Variants in TOM1 observed in about 807,000 individuals in gnomAD.
TOM1 encodes the protein target of Myb protein 1.
Under a neutral mutation model 61.3 loss-of-function variants are expected in TOM1, and 38 were observed. The ratio of observed to expected loss-of-function variants is 0.62; its 90% CI spans 0.48 to 0.81. The LOEUF (loss-of-function observed/expected upper bound fraction) is 0.81. Ranked by LOEUF, TOM1 falls within the 40% of genes least tolerant of loss-of-function variation. The probability of loss-of-function intolerance (pLI) is 0.00; values close to 1 mark genes in which losing one functional copy is unlikely to be tolerated. For synonymous variants in TOM1, 270 were observed against 268.8 expected, an observed-to-expected ratio of 1.00 and a Z score of -0.04; for missense variants, 591 against 659.6, an observed-to-expected ratio of 0.90 and a Z score of 1.14.
chr22:35,306,445 G>A (rs896299016), intron 1 of TOM1, among the ~76,000 whole-genome samples: 8 of 152,154 alleles, frequency 5.3e-5, no homozygotes, highest in African/African-American at 1.9e-4. Context: ...TCTGTCTTGA[G>A]GATGACAGAG....
intron 12 of TOM1, among the ~76,000 whole-genome samples, chr22:35,342,876 C>A (rs1929999794): frequency 2.1e-5 from 3 of 143,800 alleles, no homozygotes; most frequent in Non-Finnish European, 4.6e-5. Flanking sequence ...ACACACACCC[C>A]TACACACACC....
chr22:35,339,938 G>A (rs1043468666), intron 12 of TOM1, among the ~76,000 whole-genome samples: 1 of 151,932 alleles, frequency 6.6e-6, no homozygotes, highest in African/African-American at 2.4e-5. Context: ...TAAAGCAGCG[G>A]GGAGAAATGC....
Position 35,327,346 on chromosome 22 carries a change from G to C in TOM1, c.724G>C (p.Val242Leu). 1 of 1,613,942 alleles carries C rather than the reference G, an allele frequency of 6.2e-7. No individual in the cohort carries two copies. Among genetic ancestry groups the C allele is most frequent in the Non-Finnish European group, 8.5e-7 (1 of 1,180,012 alleles). Residue 242 changes from valine to leucine, a missense_variant, in exon 7 of 15, where the codon GTG becomes CTG. Transcript: ENST00000449058. ...GATGTCGGAGATGCTGACGGAGCTG[G>C]TGCCCACCCAGGCCGAGCCCGCAGA... ...RVMSEMLTEL[V>L]PTQAEPADLE...
chr22:35,300,059 C>T (rs1266954861), intron 1 of TOM1, 79 bp downstream of exon 1: 2 of 1,501,040 alleles, frequency 1.3e-6, no homozygotes, highest in African/African-American at 2.8e-5. Context: ...CTCCGGGTGC[C>T]TAGTCACGGA....
At position 35,323,959 on chromosome 22, in the gene TOM1, CCA is replaced by C. The variant is rs775043446; in HGVS notation, c.648+51_648+52del. 1.4e-5 allele frequency: 21 copies of C among 1,512,420 alleles called. No individual in the cohort carries two copies. Among genetic ancestry groups the C allele is most frequent in the Non-Finnish European group, 1.9e-5 (21 of 1,129,480 alleles). 93.7% of individuals were successfully genotyped at this position (1,512,420 alleles called of 1,614,324 possible). ...GAACCGTCAGGTCCAGGCAGGTGGG[CCA>C]CACACGTCAGGGAGGGCCCCCTGTC... On this transcript the variant is annotated intron_variant, in intron 6 of 14. Coordinates refer to ENST00000449058, the MANE Select transcript of TOM1 (RefSeq NM_005488.3). The surrounding 1 kb of genome is among the most constrained non-coding windows in gnomAD (Gnocchi z 4.2).
intron 1 of TOM1, among the ~76,000 whole-genome samples, chr22:35,316,451 T>C (rs1927284935): frequency 6.6e-6 from 1 of 152,240 alleles, no homozygotes; most frequent in African/African-American, 2.4e-5. Context: ...AAAGACCGTT[T>C]ACAAAGGTGC....
At chr22:35,299,366 C>T (rs541018879), upstream of TOM1, 39 of 152,848 alleles carry the variant, frequency 2.6e-4, no homozygotes, top group South Asian at 7.4e-3. Context: ...CTTGCCCTTG[C>T]CTCTGATTTA....
intron 12 of TOM1, among the ~76,000 whole-genome samples, chr22:35,343,000 ACACCACACACACATCTACACC>A (rs1263348510): frequency 3.4e-5 from 4 of 118,396 alleles, no homozygotes; most frequent in African/African-American, 1.3e-4. Flanking sequence ...ACACACCCCC[ACACCACACACACATCTACACC>A]CACCACACAC....
chr22:35,345,652 G>T, intron 12 of TOM1, 73 bp from the exon 13 acceptor site: 2 of 1,495,286 alleles, frequency 1.3e-6, no homozygotes, highest in Non-Finnish European at 9.3e-7. Context: ...CCACCCAGCT[G>T]CAGGGTGCTG....
intron 3 of TOM1, chr22:35,322,577 G>C (rs1927892951): frequency 1.0e-5 from 2 of 192,098 alleles, no homozygotes; most frequent in African/African-American, 2.4e-5. Flanking sequence ...TTATATCCAG[G>C]TGAATTGGCT....
intron 3 of TOM1, 57 bp from the exon 4 acceptor site, chr22:35,322,971 T>C (rs1192285657): frequency 6.3e-7 from 1 of 1,592,374 alleles, no homozygotes; most frequent in South Asian, 1.1e-5. Context: ...GGGTGGGGGT[T>C]CTGAGCACCT....
rs539029207 is a variant in TOM1 at position 35,330,366 on chromosome 22, G to A, written c.785G>A (p.Arg262Gln). 9.9e-6 allele frequency: 16 copies of A among 1,612,362 alleles called. No individual in the cohort carries two copies. The highest frequency in any genetic ancestry group is 1.7e-4 in the Middle Eastern group (1 of 6,054). The change falls in exon 8 of 15, where the codon CGA becomes CAA. Residue 262 changes from arginine (R) to glutamine (Q), a missense_variant. By Grantham distance (43) the Arg-to-Gln change is conservative. Transcript: ENST00000449058. Reference sequence around the variant, plus strand: ...TGGCAGGAGCTCAACCGCACGTGCCGAGCCATGCAGCAGCGGGTCCTGGAG... The same window carrying A: ...TGGCAGGAGCTCAACCGCACGTGCCAAGCCATGCAGCAGCGGGTCCTGGAG... The part of the protein sequence containing the change: ...ELLQELNRTC[R>Q]AMQQRVLELI...
chr22:35,336,877 C>G (rs1034650509), intron 11 of TOM1: 1 of 152,158 alleles, frequency 6.6e-6, no homozygotes, highest in Admixed American at 6.5e-5. Context: ...TCAGGGACAG[C>G]TGGGCTTCAG....
intron 6 of TOM1, 109 bp from the exon 7 acceptor site, chr22:35,327,162 C>G: frequency 9.6e-7 from 1 of 1,041,294 alleles, no homozygotes; most frequent in East Asian, 2.4e-5. Context: ...GCTGGGAGGT[C>G]GGCTCCCTGG....
chr22:35,326,816 G>GA (rs1709177697), intron 6 of TOM1, among the ~76,000 whole-genome samples: 3 of 152,006 alleles, frequency 2.0e-5, no homozygotes, highest in Middle Eastern at 3.4e-3. Context: ...GGAGGAGAGA[G>GA]AGGGGGGGAT....
intron 13 of TOM1, 38 bp from the exon 14 acceptor site, chr22:35,346,892 C>T: frequency 6.2e-7 from 1 of 1,604,056 alleles, no homozygotes; most frequent in East Asian, 2.2e-5. Context: ...TACTGGGGGC[C>T]CGGCTAACCT....
Position 35,339,844 on chromosome 22 carries a change from C to G in TOM1, c.1224+1056C>G, listed in dbSNP as rs188546023. Among the ~76,000 whole-genome samples the G allele has an allele frequency of 2.0e-3, 307 of 151,072 alleles. 5 individuals carry two copies. The East Asian group carries it at 0.048, about 23-fold the overall frequency. The stretch of plus-strand genomic sequence containing the variant: ...GCGTGAACCCAGGAGGCGGAGCTTG[C>G]AGTGAGCCGAGATCCCGCCACTGCA... On this transcript the variant is annotated intron_variant, in intron 12 of 14. Coordinates refer to ENST00000449058, the MANE Select transcript of TOM1 (RefSeq NM_005488.3).
At chr22:35,301,649 G>A (rs1284951955) in intron 1 of TOM1, among the ~76,000 whole-genome samples, 2 of 152,058 alleles carry the variant, frequency 1.3e-5, no homozygotes, top group Non-Finnish European at 2.9e-5. Flanking sequence ...AAAGCTTGTC[G>A]ACCCGGCTCT....
chr22:35,318,778 A>G (rs572819706), intron 2 of TOM1, among the ~76,000 whole-genome samples: 2 of 152,402 alleles, frequency 1.3e-5, no homozygotes. Context: ...CGTGGGCAGC[A>G]GGAAGTGCTG....
Sources: allele counts gnomAD v4.1 joint callset (sites outside exome capture counted in the v4.1 genomes callset), GRCh38; gene constraint gnomAD v4.1.1; non-coding constraint Gnocchi (gnomAD v3.1); transcripts MANE v1.5; gene names NCBI Gene and HGNC (gene_info 2026-07-23, HGNC 2026-07-21).